SIPA1L1: variants seen among roughly 807,000 people sequenced by gnomAD.
The protein encoded by SIPA1L1 is signal induced proliferation associated 1 like 1.
SIPA1L1 carries 26 observed loss-of-function variants against 162.7 expected under a neutral mutation model. The ratio of observed to expected loss-of-function variants is 0.16; its 90% CI spans 0.12 to 0.22. SIPA1L1 has a LOEUF of 0.22. Ranked by LOEUF, SIPA1L1 falls within the 10% of genes least tolerant of loss-of-function variation. The pLI is 1.00. For synonymous variants in SIPA1L1, 829 were observed against 837.4 expected (o/e 0.99, Z 0.17); for missense variants, 1,874 against 2,241.0 (o/e 0.84, Z 3.31).
At chr14:71,595,046 C>G (rs956350786) in intron 5 of SIPA1L1, among the ~76,000 whole-genome samples, 5 of 152,204 alleles carry the variant, frequency 3.3e-5, no homozygotes, top group East Asian at 1.9e-4. Context: ...CAGCTGCACC[C>G]TGATCTGGAA....
chr14:71,388,376 A>G (rs1039935721), intron 2 of SIPA1L1, among the ~76,000 whole-genome samples: 1 of 152,234 alleles, frequency 6.6e-6, no homozygotes, highest in African/African-American at 2.4e-5. Context: ...TTCACAAGGA[A>G]TTATCTGCAA....
At chr14:71,539,598 T>C (rs923919959) in intron 4 of SIPA1L1, among the ~76,000 whole-genome samples, 6 of 152,244 alleles carry the variant, frequency 3.9e-5, no homozygotes, top group Admixed American at 6.5e-5. Context: ...GACCAGAGAG[T>C]CTGAATCTAA....
chr14:71,424,136 T>C (rs914385098), intron 2 of SIPA1L1, among the ~76,000 whole-genome samples: 2 of 152,140 alleles, frequency 1.3e-5, no homozygotes, highest in African/African-American at 4.8e-5. Flanking sequence ...TGTCTCCTGC[T>C]ATGTTGCTGA....
rs554079501 is a variant in SIPA1L1 at position 71,732,813 on chromosome 14, A to AC, written c.4862-848dup. Among the ~76,000 whole-genome samples, 510 of 151,354 alleles carry AC rather than the reference A, an allele frequency of 3.4e-3. 4 individuals carry two copies. The Middle Eastern group carries it at 0.051, about 15-fold the overall frequency. ...TCACATCCCTTGATGTGCCCCTCACACCCCCTTGGACACCTTTGACCATGG... is the reference window on the plus strand; with the variant it reads ...TCACATCCCTTGATGTGCCCCTCACACCCCCCTTGGACACCTTTGACCATGG... On this transcript the variant is annotated intron_variant, in intron 20 of 23. Transcript: ENST00000381232.
chr14:71,579,081 G>A (rs1208462098), intron 4 of SIPA1L1, among the ~76,000 whole-genome samples: 1 of 152,188 alleles, frequency 6.6e-6, no homozygotes, highest in Non-Finnish European at 1.5e-5. Flanking sequence ...ACAATTAATT[G>A]TATGCAGTTA....
chr14:71,712,790 T>A (rs903190465), intron 17 of SIPA1L1, among the ~76,000 whole-genome samples: 3 of 152,196 alleles, frequency 2.0e-5, no homozygotes, highest in African/African-American at 7.2e-5. Flanking sequence ...TGCACATAGA[T>A]ATCTCTTCTG....
chr14:71,659,961 A>T (rs2043368455), intron 9 of SIPA1L1, among the ~76,000 whole-genome samples: 3 of 152,118 alleles, frequency 2.0e-5, no homozygotes, highest in African/African-American at 7.2e-5. Context: ...AAACCAGGAA[A>T]AATGTATCTT....
chr14:71,374,770 C>G (rs1415108116), intron 2 of SIPA1L1, among the ~76,000 whole-genome samples: 1 of 151,414 alleles, frequency 6.6e-6, no homozygotes. Flanking sequence ...CTCCTATAGC[C>G]TGTAGTTTTC....
chr14:71,502,319 ACCT>A (rs1464679494), intron 2 of SIPA1L1, among the ~76,000 whole-genome samples: 15 of 146,226 alleles, frequency 1.0e-4, no homozygotes, highest in Admixed American at 6.9e-5. Flanking sequence ...CTGGAGTGTA[ACCT>A]CCGCCTCCAG....
intron 2 of SIPA1L1, among the ~76,000 whole-genome samples, chr14:71,336,994 C>A (rs1282295850): frequency 6.6e-6 from 1 of 152,132 alleles, no homozygotes; most frequent in African/African-American, 2.4e-5. Flanking sequence ...TCCTTTCTGA[C>A]CCGTTTGACT....
intron 2 of SIPA1L1, among the ~76,000 whole-genome samples, chr14:71,460,683 A>C (rs1167735271): frequency 6.6e-6 from 1 of 152,224 alleles, no homozygotes; most frequent in Non-Finnish European, 1.5e-5. Flanking sequence ...TTGCGGGAAC[A>C]GGAAGCAAAG....
At chr14:71,408,192 T>A (rs1320404077) in intron 2 of SIPA1L1, among the ~76,000 whole-genome samples, 1 of 152,194 alleles carries the variant, frequency 6.6e-6, no homozygotes, top group Non-Finnish European at 1.5e-5. Context: ...ATCTTTTTAG[T>A]TTTTAGAAAT....
chr14:71,733,730 C>G lies in SIPA1L1; in HGVS notation c.4926C>G (p.Pro1642=). 1.2e-6 allele frequency: 2 copies of G among 1,613,858 alleles called. No homozygotes were observed. The highest frequency in any genetic ancestry group is 1.7e-6 in the Non-Finnish European group (2 of 1,180,008). Residue 1642 remains proline (P), a synonymous_variant, in exon 21 of 24, where the codon CCC becomes CCG. Coordinates refer to ENST00000381232, the MANE Select transcript of SIPA1L1 (RefSeq NM_001386936.1). The part of the protein sequence containing the change: ...DIQETRRQPM[P]DPGLMPLPDT... ...AGGAGACCCGCAGGCAGCCTATGCC[C>G]GACCCTGGCCTGATGCCCCTGCCTG...
At chr14:71,645,642 G>A (rs1327026101) in intron 7 of SIPA1L1, among the ~76,000 whole-genome samples, 1 of 152,200 alleles carries the variant, frequency 6.6e-6, no homozygotes, top group Non-Finnish European at 1.5e-5. Flanking sequence ...ATTTGGGGAA[G>A]GGGTGAGTGT....
rs2084643787 is a variant in SIPA1L1 at position 71,730,251 on chromosome 14, C to T, written c.4811C>T (p.Ser1604Leu). 3 of 1,614,136 alleles carry T rather than the reference C, an allele frequency of 1.9e-6. No individual in the cohort carries two copies. Among genetic ancestry groups the T allele is most frequent in the Non-Finnish European group, 2.5e-6 (3 of 1,180,002 alleles). The change falls in exon 20 of 24, where the codon TCG becomes TTG. Residue 1604 changes from serine (S) to leucine (L), a missense_variant. Physicochemically the swap from Ser to Leu is moderately radical, Grantham distance 145. Around this residue, in one of 5 missense-constraint regions of SIPA1L1, gnomAD observed 936 missense variants for 1,051.9 expected, o/e 0.89. Coordinates refer to ENST00000381232, the MANE Select transcript of SIPA1L1 (RefSeq NM_001386936.1). ...FSSTYPSLPK[S>L]LPLRRPSYTL... ...AGCACGTACCCTTCTCTCCCCAAGTCGCTCCCGTTGAGGAGGCCTTCTTAC... is the reference window on the plus strand; with the variant it reads ...AGCACGTACCCTTCTCTCCCCAAGTTGCTCCCGTTGAGGAGGCCTTCTTAC...
intron 5 of SIPA1L1, among the ~76,000 whole-genome samples, chr14:71,608,918 CAAAA>C (rs1206299112): frequency 1.3e-5 from 2 of 151,788 alleles, no homozygotes; most frequent in Non-Finnish European, 2.9e-5. Flanking sequence ...CAAAAACAAA[CAAAA>C]AACTTCCAAT....
intron 3 of SIPA1L1, among the ~76,000 whole-genome samples, chr14:71,528,985 G>C (rs59588710): frequency 6.6e-6 from 1 of 151,956 alleles, no homozygotes; most frequent in Admixed American, 6.5e-5. Flanking sequence ...GGTGGCACAC[G>C]CCTGTAATCT....
intron 4 of SIPA1L1, among the ~76,000 whole-genome samples, chr14:71,543,583 T>C (rs1362743622): frequency 1.3e-5 from 2 of 152,178 alleles, no homozygotes; most frequent in Non-Finnish European, 2.9e-5. Flanking sequence ...AACTTTTAGC[T>C]CTTCTGCTGG....
In SIPA1L1 at chr14:71,636,922, A is replaced by G. The variant is rs374361699; in HGVS notation, c.1818+12686A>G. ...AAAAATTAGCCGGGCATGGTGGTGC[A>G]TGCCTGTAATCTCAGCTACTCAAGA... On this transcript the variant is annotated intron_variant, in intron 7 of 23. Coordinates refer to ENST00000381232, the MANE Select transcript of SIPA1L1 (RefSeq NM_001386936.1). Among the ~76,000 whole-genome samples the G allele has an allele frequency of 2.2e-4, 33 of 151,896 alleles. 1 individual carries two copies. The East Asian group carries it at 4.9e-3, about 22-fold the overall frequency.
Sources: allele counts gnomAD v4.1 joint callset (sites outside exome capture counted in the v4.1 genomes callset), GRCh38; gene constraint gnomAD v4.1.1; regional missense constraint gnomAD v4.1.1; transcripts MANE v1.5; gene names NCBI Gene and HGNC (gene_info 2026-07-23, HGNC 2026-07-21).